The following PITPNB variants were observed in gnomAD, a reference collection of about 807,000 sequenced individuals.
The protein encoded by PITPNB is phosphatidylinositol transfer protein beta.
PITPNB carries 16 observed loss-of-function variants against 45.9 expected under a neutral mutation model. The observed-to-expected ratio is 0.35, with a 90% CI of 0.24 to 0.53. The LOEUF (loss-of-function observed/expected upper bound fraction) is 0.53. PITPNB is among the 20% of genes least tolerant of loss of function. The pLI is 0.93. For synonymous variants in PITPNB, 112 were observed against 108.9 expected, an observed-to-expected ratio of 1.03 and a Z score of -0.18; for missense variants, 188 against 330.5, an observed-to-expected ratio of 0.57 and a Z score of 3.34.
intron 4 of PITPNB, 34 bp from the exon 5 acceptor site, chr22:27,897,171 A>G (rs745423064): frequency 2.0e-6 from 3 of 1,507,452 alleles, no homozygotes; most frequent in East Asian, 4.5e-5. Flanking sequence ...TAATGAAAGG[A>G]GAAAAATTTC....
chr22:27,864,110 A>T (rs973633992), intron 8 of PITPNB, among the ~76,000 whole-genome samples: 2 of 152,204 alleles, frequency 1.3e-5, no homozygotes, highest in African/African-American at 4.8e-5. Context: ...CTGCCTAAAA[A>T]CATAAACATT....
At position 27,893,346 on chromosome 22, in the gene PITPNB, G is replaced by A. The variant is rs554931217; in HGVS notation, c.456+1209C>T. On this transcript the variant is annotated intron_variant, in intron 7 of 11. Coordinates refer to ENST00000335272, the MANE Select transcript of PITPNB (RefSeq NM_012399.5). ...GTTGTCCAGGCTGGAGTGCAGTGGC[G>A]CGATCTCGGCTCACTGCAAGCTCCG... Among the ~76,000 whole-genome samples, 13 of 149,902 alleles carry A rather than the reference G, an allele frequency of 8.7e-5. No individual in the cohort carries two copies. The East Asian group carries it at 1.2e-3, about 14-fold the overall frequency.
At chr22:27,911,502 G>C (rs1333044845) in intron 2 of PITPNB, among the ~76,000 whole-genome samples, 1 of 152,148 alleles carries the variant, frequency 6.6e-6, no homozygotes, top group African/African-American at 2.4e-5. Flanking sequence ...TCCAAGAAAG[G>C]TATGGCAGAA....
intron 8 of PITPNB, among the ~76,000 whole-genome samples, chr22:27,861,888 C>G (rs964364254): frequency 1.3e-5 from 2 of 152,230 alleles, no homozygotes; most frequent in Non-Finnish European, 2.9e-5. Context: ...CTTTAATAAA[C>G]GTTGTATTGA....
At chr22:27,873,191 C>G (rs922937625) in intron 8 of PITPNB, among the ~76,000 whole-genome samples, 1 of 152,178 alleles carries the variant, frequency 6.6e-6, no homozygotes, top group Non-Finnish European at 1.5e-5. Context: ...CACTTCAACC[C>G]AGGAGGCAGA....
chr22:27,887,583 C>T (rs1452221600), intron 7 of PITPNB, among the ~76,000 whole-genome samples: 1 of 151,888 alleles, frequency 6.6e-6, no homozygotes. Context: ...GTCTAACAGG[C>T]GACCCAATCC....
In PITPNB at chr22:27,858,377, C is replaced by T. The variant is rs1286929429; in HGVS notation, c.768+10G>A. The stretch of plus-strand genomic sequence containing the variant: ...AAATTAGAGAATTGCCATAGAACAG[C>T]CAGTCTTACTGTTTCTAGTTCTTTC... On this transcript the variant is annotated intron_variant, in intron 10 of 11. Transcript: ENST00000335272. 5.0e-6 allele frequency: 8 copies of T among 1,593,312 alleles called. No homozygotes were observed. In the African/African-American group the frequency reaches 1.1e-4, roughly 22 times the overall value.
intron 3 of PITPNB, among the ~76,000 whole-genome samples, chr22:27,909,229 T>A (rs77979212): frequency 1.4e-5 from 2 of 146,952 alleles, no homozygotes; most frequent in Non-Finnish European, 3.0e-5. Context: ...TTTTTTTTTT[T>A]GGCTTGTTTC....
At chr22:27,881,705 G>C (rs1934977844) in intron 7 of PITPNB, among the ~76,000 whole-genome samples, 1 of 152,204 alleles carries the variant, frequency 6.6e-6, no homozygotes, top group African/African-American at 2.4e-5. Context: ...GCAGCAGTTG[G>C]AACAAATGTA....
chr22:27,910,188 A>C (rs776098139), intron 3 of PITPNB, among the ~76,000 whole-genome samples: 16 of 151,584 alleles, frequency 1.1e-4, no homozygotes, highest in Non-Finnish European at 2.1e-4. Context: ...TTGACCTCGT[A>C]ATCTGCCCGC....
intron 3 of PITPNB, 62 bp from the exon 4 acceptor site, chr22:27,897,954 C>G: frequency 8.8e-7 from 1 of 1,136,324 alleles, no homozygotes; most frequent in Non-Finnish European, 1.3e-6. Flanking sequence ...TGGTATCTAT[C>G]CAACTGCTTG....
At chr22:27,854,008 T>C (rs1934101943) in intron 11 of PITPNB, among the ~76,000 whole-genome samples, 2 of 152,128 alleles carry the variant, frequency 1.3e-5, no homozygotes, top group East Asian at 1.9e-4. Context: ...TTCATTCTTA[T>C]TTGGCACAAC....
At chr22:27,879,097 G>A (rs1398704228) in intron 7 of PITPNB, among the ~76,000 whole-genome samples, 3 of 152,068 alleles carry the variant, frequency 2.0e-5, no homozygotes, top group Non-Finnish European at 1.5e-5. Context: ...GATGGTGGGG[G>A]TGAGCCTGGC....
At chr22:27,866,069 A>T (rs1934475597) in intron 8 of PITPNB, among the ~76,000 whole-genome samples, 1 of 152,228 alleles carries the variant, frequency 6.6e-6, no homozygotes, top group Admixed American at 6.5e-5. Context: ...GTTTTACATA[A>T]AGCATGAAAA....
intron 7 of PITPNB, among the ~76,000 whole-genome samples, chr22:27,881,317 A>G (rs1934965763): frequency 6.6e-6 from 1 of 152,316 alleles, no homozygotes; most frequent in East Asian, 1.9e-4. Flanking sequence ...TTTCTCCCTA[A>G]GTTCAGGAAA....
chr22:27,892,674 T>C (rs1935313457), intron 7 of PITPNB, among the ~76,000 whole-genome samples: 1 of 152,096 alleles, frequency 6.6e-6, no homozygotes. Flanking sequence ...CTGTAAACAA[T>C]ACCAAGAGAA....
At chr22:27,885,060 A>ATCC (rs200097679) in intron 7 of PITPNB, among the ~76,000 whole-genome samples, 4,082 of 151,112 alleles carry the variant, frequency 0.027, 54 homozygotes, top group Non-Finnish European at 0.032. Flanking sequence ...TCCAAAAACG[A>ATCC]AGGTCTCTCT....
In PITPNB at chr22:27,894,631, C is replaced by T. The variant is rs1014245227; in HGVS notation, c.380G>A (p.Gly127Asp). ...PDLGTLENVH[G>D]LDPNTWKTVE... ...AGTTTTCCATGTGTTTGGATCTAAA[C>T]CATGTACCTACCAATGACAAAGAGA... The change falls in exon 7 of 12, where the codon GGT (glycine) becomes GAT (aspartate). Residue 127 changes from glycine (G) to aspartate (D), a missense_variant. By Grantham distance (94) the Gly-to-Asp change is moderately conservative. Transcript: ENST00000335272. The T allele has an allele frequency of 2.5e-6, 4 of 1,581,472 alleles. No homozygotes were observed. The highest frequency in any genetic ancestry group is 3.5e-6 in the Non-Finnish European group (4 of 1,151,816).
intron 7 of PITPNB, among the ~76,000 whole-genome samples, chr22:27,878,900 A>T (rs1019024368): frequency 3.9e-5 from 6 of 152,250 alleles, no homozygotes; most frequent in African/African-American, 1.4e-4. Flanking sequence ...AACTGCATTA[A>T]AAAATATTCT....
Sources: allele counts gnomAD v4.1 joint callset (sites outside exome capture counted in the v4.1 genomes callset), GRCh38; gene constraint gnomAD v4.1.1; transcripts MANE v1.5; gene names NCBI Gene and HGNC (gene_info 2026-07-23, HGNC 2026-07-21).